Variants in DCDC2 observed in about 807,000 individuals in gnomAD.
DCDC2 encodes doublecortin domain containing 2, also known as doublecortin domain-containing protein 2.
In DCDC2, 40 loss-of-function variants were observed where a neutral mutation model predicts 50.2. The ratio of observed to expected loss-of-function variants is 0.80; its 90% CI spans 0.62 to 1.04. DCDC2 has a LOEUF of 1.04. Among genes scored for constraint, DCDC2 ranks in the 50% least tolerant of loss-of-function variants. The pLI is 0.00. For missense variants in DCDC2, 570 were observed against 581.9 expected (o/e 0.98, Z 0.21); for synonymous variants, 234 against 210.6 (o/e 1.11, Z -0.96).
In DCDC2 at chr6:24,353,138, T is replaced by C. The variant is rs1760402980; in HGVS notation, c.348+431A>G. On this transcript the variant is annotated intron_variant, in intron 2 of 9. Transcript: ENST00000378454. The stretch of plus-strand genomic sequence containing the variant: ...ACATCACAAAGTGTCCAACGTGACA[T>C]CTACTCATCTCCTTTGAAAGCCTCA... 23 of 342,554 alleles carry C rather than the reference T, an allele frequency of 6.7e-5. 1 individual carries two copies. The highest frequency in any genetic ancestry group is 5.5e-4 in the South Asian group (23 of 41,722). 21.2% of individuals were successfully genotyped at this position (342,554 alleles called of 1,614,324 possible).
chr6:24,280,373 T>TG (rs570673859), intron 6 of DCDC2, among the ~76,000 whole-genome samples: 319 of 152,076 alleles, frequency 2.1e-3, no homozygotes, highest in African/African-American at 7.3e-3. Context: ...CAGGGGTTTT[T>TG]TTTTTTTTTC....
intron 7 of DCDC2, among the ~76,000 whole-genome samples, chr6:24,271,807 A>G (rs1340387733): frequency 6.6e-6 from 1 of 151,634 alleles, no homozygotes. Context: ...GCTTGTATGG[A>G]AAATGTGATC....
At chr6:24,329,283 C>T (rs1047661224) in intron 2 of DCDC2, among the ~76,000 whole-genome samples, 14 of 152,200 alleles carry the variant, frequency 9.2e-5, no homozygotes, top group Non-Finnish European at 1.6e-4. Context: ...TATTAACCCT[C>T]ATTCCCTTTG....
At chr6:24,378,938 G>A in the DCDC2 span, among the ~76,000 whole-genome samples, 4 of 124,196 alleles carry the variant, frequency 3.2e-5, no homozygotes, top group South Asian at 1.1e-3. Context: ...GGCAACAAAG[G>A]AGACCCTGTC....
intron 2 of DCDC2, among the ~76,000 whole-genome samples, chr6:24,317,052 G>A (rs1015009570): frequency 1.1e-4 from 17 of 151,100 alleles, no homozygotes; most frequent in African/African-American, 4.2e-4. Context: ...TTTTTCCATG[G>A]CAAAAACACT....
At chr6:24,190,073 G>GAAAA (rs56783668) in intron 8 of DCDC2, among the ~76,000 whole-genome samples, 9 of 132,228 alleles carry the variant, frequency 6.8e-5, no homozygotes, top group African/African-American at 2.1e-4. Flanking sequence ...TACTTTCACC[G>GAAAA]AAAAAAAAAA....
intron 7 of DCDC2, among the ~76,000 whole-genome samples, chr6:24,215,829 T>A (rs991862890): frequency 6.6e-6 from 1 of 152,148 alleles, no homozygotes; most frequent in Non-Finnish European, 1.5e-5. Flanking sequence ...AGGTCCTGGA[T>A]GAAGGCAATG....
intron 7 of DCDC2, among the ~76,000 whole-genome samples, chr6:24,252,866 A>C (rs75821417): frequency 6.4e-4 from 97 of 152,338 alleles, no homozygotes; most frequent in African/African-American, 2.1e-3. Context: ...CAGTGGAATT[A>C]AGCTAGAAAT....
In DCDC2 at chr6:24,173,605, T is replaced by C. The variant is rs1216941878; in HGVS notation, c.*1125A>G. ...ATTTAGTCAGTCCATGAAGTTGTGATTCAGGAATTGGTTTCATTATAATAA... is the reference window on the plus strand; with the variant it reads ...ATTTAGTCAGTCCATGAAGTTGTGACTCAGGAATTGGTTTCATTATAATAA... On this transcript the variant is annotated 3_prime_UTR_variant, in exon 10 of 10. Transcript: ENST00000378454. 6.6e-6 allele frequency: 1 copy of C among 152,188 alleles called. No individual in the cohort carries two copies. Among genetic ancestry groups the C allele is most frequent in the Non-Finnish European group, 1.5e-5 (1 of 68,022 alleles). The allele number at this position is 152,188 out of a possible 1,614,324, so 9.4% of individuals were successfully genotyped here. A position where few individuals can be genotyped will look rare whatever the true frequency, so the allele number is the denominator to read the frequency against.
intron 7 of DCDC2, among the ~76,000 whole-genome samples, chr6:24,275,866 ATTTTTTTT>A (rs10685261): frequency 1.8e-5 from 2 of 108,120 alleles, no homozygotes; most frequent in Admixed American, 1.2e-4. Context: ...CAATAATTCA[ATTTTTTTT>A]TTTTTTTTTT....
chr6:24,239,338 C>G, intron 7 of DCDC2, among the ~76,000 whole-genome samples: 1 of 152,164 alleles, frequency 6.6e-6, no homozygotes, highest in Non-Finnish European at 1.5e-5. Flanking sequence ...TAGAAACACA[C>G]TTCCTTCTGG....
intron 4 of DCDC2, among the ~76,000 whole-genome samples, chr6:24,292,500 C>G (rs1381084410): frequency 6.6e-6 from 1 of 152,198 alleles, no homozygotes; most frequent in East Asian, 1.9e-4. Context: ...GGTAAAGTCT[C>G]TTTCTTTATA....
intron 2 of DCDC2, among the ~76,000 whole-genome samples, chr6:24,346,753 C>CA (rs11385934): frequency 0.21 from 25,354 of 118,960 alleles, 3,156 homozygotes; most frequent in African/African-American, 0.4. Flanking sequence ...GACTCCATCT[C>CA]AAAAAAAAAA....
chr6:24,307,200 C>G (rs1364454955), intron 2 of DCDC2, among the ~76,000 whole-genome samples: 1 of 152,034 alleles, frequency 6.6e-6, no homozygotes, highest in East Asian at 1.9e-4. Flanking sequence ...CCCTCTGCCT[C>G]AAATCTCAGC....
At chr6:24,372,325 A>C in the DCDC2 span, among the ~76,000 whole-genome samples, 1 of 152,034 alleles carries the variant, frequency 6.6e-6, no homozygotes, top group Non-Finnish European at 1.5e-5. Flanking sequence ...AGGCTGAGGC[A>C]GGAGAATGGC....
intron 2 of DCDC2, among the ~76,000 whole-genome samples, chr6:24,352,934 A>T (rs958771397): frequency 5.3e-5 from 8 of 152,104 alleles, no homozygotes; most frequent in African/African-American, 2.4e-5. Context: ...CTATTTTTTC[A>T]TTCACAAACT....
intron 7 of DCDC2, among the ~76,000 whole-genome samples, chr6:24,247,648 T>C (rs999961905): frequency 3.9e-5 from 6 of 152,110 alleles, no homozygotes; most frequent in Non-Finnish European, 4.4e-5. Flanking sequence ...CAAATAAGGA[T>C]TGGTTATATA....
chr6:24,179,978 G>T (rs1761029500), intron 8 of DCDC2, among the ~76,000 whole-genome samples: 2 of 145,598 alleles, frequency 1.4e-5, no homozygotes, highest in African/African-American at 2.5e-5. Flanking sequence ...AAAACAAGGG[G>T]TGGGGGAGGG....
At chr6:24,268,196 C>A (rs1185245019) in intron 7 of DCDC2, among the ~76,000 whole-genome samples, 1 of 152,126 alleles carries the variant, frequency 6.6e-6, no homozygotes, top group Admixed American at 6.6e-5. Flanking sequence ...ATTAAAAGTA[C>A]ATGAAATTGG....
Sources: allele counts gnomAD v4.1 joint callset (sites outside exome capture counted in the v4.1 genomes callset), GRCh38; gene constraint gnomAD v4.1.1; transcripts MANE v1.5; gene names NCBI Gene and HGNC (gene_info 2026-07-23, HGNC 2026-07-21).